Variants in TRDN observed in about 807,000 individuals in gnomAD.
The protein encoded by TRDN is triadin.
In TRDN, 161 loss-of-function variants were observed where a neutral mutation model predicts 149.7. The observed-to-expected ratio is 1.08, with a 90% CI of 0.95 to 1.23. The LOEUF (loss-of-function observed/expected upper bound fraction) is 1.23, where lower values mean the gene tolerates loss of function less well. Ranked by LOEUF, TRDN falls within the 50% of genes most tolerant of loss-of-function variation. The pLI is 0.00. For missense variants in TRDN, 896 were observed against 823.5 expected (o/e 1.09, Z -1.08); for synonymous variants, 294 against 250.5 (o/e 1.17, Z -1.64).
chr6:123,537,961 G>A (rs956528148), intron 4 of TRDN, among the ~76,000 whole-genome samples: 1 of 152,138 alleles, frequency 6.6e-6, no homozygotes, highest in Non-Finnish European at 1.5e-5. Flanking sequence ...TTTAAAGCAT[G>A]CAATTTTTCT....
chr6:123,252,427 G>T lies in TRDN; in HGVS notation c.1960C>A (p.Pro654Thr). The change falls in exon 38 of 41, where the codon CCT (proline) becomes ACT (threonine). Residue 654 changes from proline to threonine, a missense_variant. Pro to Thr is a conservative substitution (Grantham distance 38). Transcript: ENST00000334268. ...CCGTACTTACTTGATACTCTTGCAG[G>T]TTTTTCTGCTAAAAAGAGAAAATAA... ...QLHNVTKAEK[P>T]ARVSKDVEDV... 3 of 1,518,584 alleles carry T rather than the reference G, an allele frequency of 2.0e-6. No homozygotes were observed. Among genetic ancestry groups the T allele is most frequent in the Non-Finnish European group, 2.7e-6 (3 of 1,113,682 alleles). The allele number at this position is 1,518,584 out of a possible 1,614,324, so 94.1% of individuals were successfully genotyped here.
At chr6:123,586,252 G>T (rs182477898) in intron 1 of TRDN, among the ~76,000 whole-genome samples, 2 of 152,116 alleles carry the variant, frequency 1.3e-5, no homozygotes, top group African/African-American at 4.8e-5. Flanking sequence ...ACTGTAAGCC[G>T]GACCGGGTGT....
intron 5 of TRDN, chr6:123,529,067 T>C: frequency 2.8e-6 from 4 of 1,424,908 alleles, no homozygotes; most frequent in Non-Finnish European, 3.7e-6. Context: ...ACATCAGAAT[T>C]CTAATATAGC....
chr6:123,576,594 A>G (rs575100741), intron 1 of TRDN, among the ~76,000 whole-genome samples: 4 of 151,932 alleles, frequency 2.6e-5, no homozygotes, highest in South Asian at 4.2e-4. Flanking sequence ...GGCCGCTTTT[A>G]TAAGGTCACT....
intron 1 of TRDN, among the ~76,000 whole-genome samples, chr6:123,596,690 T>C (rs1300696650): frequency 6.6e-6 from 1 of 152,150 alleles, no homozygotes; most frequent in Non-Finnish European, 1.5e-5. Flanking sequence ...TGAAGAATTA[T>C]ACTAAATCTA....
chr6:123,456,786 T>A (rs1044573313), intron 10 of TRDN: 2 of 455,822 alleles, frequency 4.4e-6, no homozygotes, highest in Admixed American at 4.7e-5. Context: ...TTTCCAAGAC[T>A]GTTTACTCCA....
intron 5 of TRDN, among the ~76,000 whole-genome samples, chr6:123,526,957 G>A (rs1779980694): frequency 6.6e-6 from 1 of 151,906 alleles, no homozygotes; most frequent in Non-Finnish European, 1.5e-5. Flanking sequence ...ATTATTTTAA[G>A]AATTTTACAA....
intron 16 of TRDN, 132 bp downstream of exon 16, chr6:123,381,238 C>T (rs1350480386): frequency 2.5e-6 from 2 of 814,400 alleles, no homozygotes; most frequent in Middle Eastern, 2.6e-4. Flanking sequence ...TTCACTTGGA[C>T]AAAAAACAAC....
intron 26 of TRDN, among the ~76,000 whole-genome samples, chr6:123,276,322 A>G (rs939316494): frequency 1.3e-5 from 2 of 152,106 alleles, no homozygotes; most frequent in African/African-American, 4.8e-5. Flanking sequence ...GAAAGGTAAT[A>G]TTTTTTATAA....
At chr6:123,572,550 T>C (rs535630391) in intron 1 of TRDN, among the ~76,000 whole-genome samples, 1 of 152,220 alleles carries the variant, frequency 6.6e-6, no homozygotes, top group African/African-American at 2.4e-5. Context: ...GAACAACTAT[T>C]TCATGTTACA....
chr6:123,254,157 T>C (rs1329812927), intron 37 of TRDN, among the ~76,000 whole-genome samples: 2 of 152,126 alleles, frequency 1.3e-5, no homozygotes, highest in African/African-American at 4.8e-5. Context: ...CTCATCCTTC[T>C]GGCTGATTAT....
intron 1 of TRDN, among the ~76,000 whole-genome samples, chr6:123,619,270 A>G (rs1026670120): frequency 1.3e-5 from 2 of 152,214 alleles, no homozygotes; most frequent in Admixed American, 6.6e-5. Flanking sequence ...TTCAGCAGGT[A>G]TGGCCTGCCT....
At chr6:123,405,431 A>G (rs1773155452) in intron 12 of TRDN, among the ~76,000 whole-genome samples, 1 of 152,240 alleles carries the variant, frequency 6.6e-6, no homozygotes, top group Non-Finnish European at 1.5e-5. Flanking sequence ...TGAAGGCAGT[A>G]GAAATTTTTA....
At position 123,464,486 on chromosome 6, in the gene TRDN, T is replaced by C. The variant is rs1281449890; in HGVS notation, c.931+420A>G. The C allele has an allele frequency of 5.1e-6, 5 of 989,524 alleles. No individual in the cohort carries two copies. The African/African-American group carries it at 8.7e-5, about 17-fold the overall frequency. The allele number at this position is 989,524 out of a possible 1,614,324, so 61.3% of individuals were successfully genotyped here. A position where few individuals can be genotyped will look rare whatever the true frequency, so the allele number is the denominator to read the frequency against. The stretch of plus-strand genomic sequence containing the variant: ...AGAGATGGCAAAACTCATGAAGAGT[T>C]AATTTAAATAACTTTCCAAATTTAC... On this transcript the variant is annotated intron_variant, in intron 10 of 40. Coordinates refer to ENST00000334268, the MANE Select transcript of TRDN (RefSeq NM_006073.4).
At chr6:123,324,898 T>C (rs576368373) in intron 23 of TRDN, among the ~76,000 whole-genome samples, 1 of 152,282 alleles carries the variant, frequency 6.6e-6, no homozygotes, top group East Asian at 1.9e-4. Context: ...AGGCTGTAAA[T>C]TGCTGCTTAA....
intron 38 of TRDN, among the ~76,000 whole-genome samples, chr6:123,241,099 T>C (rs1030089229): frequency 2.5e-4 from 38 of 151,784 alleles, no homozygotes; most frequent in Non-Finnish European, 4.9e-4. Flanking sequence ...ACTTACTCAT[T>C]AATAGTAACA....
At chr6:123,617,063 A>G (rs1334727273) in intron 1 of TRDN, among the ~76,000 whole-genome samples, 2 of 152,216 alleles carry the variant, frequency 1.3e-5, no homozygotes, top group African/African-American at 4.8e-5. Context: ...TATTTAGCTG[A>G]CATGACTATG....
intron 1 of TRDN, among the ~76,000 whole-genome samples, chr6:123,625,442 C>T (rs567508868): frequency 8.4e-4 from 127 of 152,086 alleles, no homozygotes; most frequent in African/African-American, 3.0e-3. Flanking sequence ...TCTTAAAAAG[C>T]AGTGTAAGAC....
intron 9 of TRDN, among the ~76,000 whole-genome samples, chr6:123,466,188 G>T (rs911097135): frequency 6.6e-6 from 1 of 152,120 alleles, no homozygotes; most frequent in Non-Finnish European, 1.5e-5. Flanking sequence ...AGTAAAGATT[G>T]ACTTAAACAT....
Sources: gnomAD v4.1 joint callset for allele counts (sites outside exome capture counted in the v4.1 genomes callset) on GRCh38, gnomAD v4.1.1 for gene constraint, MANE v1.5 for transcripts, NCBI Gene and HGNC (gene_info 2026-07-23, HGNC 2026-07-21) for gene names.